Variants in PRRX2 observed in about 807,000 individuals in gnomAD.
The protein encoded by PRRX2 is paired related homeobox 2, also known as paired mesoderm homeobox protein 2.
In PRRX2, 11 loss-of-function variants were observed where a neutral mutation model predicts 18.0. The ratio of observed to expected loss-of-function variants is 0.61; its 90% CI spans 0.39 to 1.01. PRRX2 has a LOEUF of 1.01. Ranked by LOEUF, PRRX2 falls within the 50% of genes least tolerant of loss-of-function variation. The pLI, the probability that PRRX2 is intolerant of heterozygous loss-of-function variation, is 0.01. For missense variants in PRRX2, 387 were observed against 351.0 expected (o/e 1.10, Z -0.82); for synonymous variants, 177 against 154.8 (o/e 1.14, Z -1.06).
chr9:129,702,562 T>C (rs1400036814), intron 1 of PRRX2, among the ~76,000 whole-genome samples: 1 of 152,222 alleles, frequency 6.6e-6, no homozygotes, highest in African/African-American at 2.4e-5. Flanking sequence ...TTTTAATCAG[T>C]GAGAATTTCA....
At chr9:129,684,502 A>AACAGAAAAGATACCAGAAAT (rs1564147393) in intron 1 of PRRX2, among the ~76,000 whole-genome samples, 20 of 83,212 alleles carry the variant, frequency 2.4e-4, no homozygotes, top group Non-Finnish European at 3.3e-4. Flanking sequence ...ACACACACAC[A>AACAGAAAAGATACCAGAAAT]CACACACACA....
intron 1 of PRRX2, among the ~76,000 whole-genome samples, chr9:129,680,400 CA>C (rs1207606607): frequency 7.3e-4 from 63 of 85,806 alleles, no homozygotes; most frequent in South Asian, 2.4e-3. Context: ...GACTCCGTCT[CA>C]AAAAAAAAAA....
rs1251811596 is a variant in PRRX2, at chr9:129,671,226, A to T, written c.259+5100A>T. 1.2e-4 allele frequency among the ~76,000 whole-genome samples: 19 copies of T among 152,022 alleles called. No homozygotes were observed. Among genetic ancestry groups the T allele is most frequent in the Admixed American group, 1.2e-3 (19 of 15,258 alleles). On this transcript the variant is annotated intron_variant, in intron 1 of 3. Coordinates refer to ENST00000372469, the MANE Select transcript of PRRX2 (RefSeq NM_016307.4). The surrounding 1 kb of genome is among the most constrained non-coding windows in gnomAD (Gnocchi z 4.0). The stretch of plus-strand genomic sequence containing the variant: ...AGGAGCCGGGGAGCAGGGAGGGAGG[A>T]GGAGTGAGTGAGAGGCTGAGTGCCC...
At chr9:129,666,157 C>CG in intron 1 of PRRX2, 31 bp downstream of exon 1, 1 of 515,488 alleles carries the variant, frequency 1.9e-6, no homozygotes, top group Non-Finnish European at 2.3e-6. Context: ...ACGGGGGTGG[C>CG]GGGGCCGGGG....
intron 1 of PRRX2, among the ~76,000 whole-genome samples, chr9:129,686,273 C>T (rs1337499749): frequency 6.6e-6 from 1 of 152,146 alleles, no homozygotes; most frequent in African/African-American, 2.4e-5. Flanking sequence ...TGAGATGCCT[C>T]AGGAGCAGAG....
chr9:129,707,266 T>A (rs930667404), intron 1 of PRRX2, among the ~76,000 whole-genome samples: 9 of 151,314 alleles, frequency 5.9e-5, no homozygotes, highest in Non-Finnish European at 8.9e-5. Flanking sequence ...TCTCAAAAAA[T>A]AAATAAATAA....
At position 129,675,698 on chromosome 9, in the gene PRRX2, G is replaced by A. The variant is rs1424415336; in HGVS notation, c.259+9572G>A. On this transcript the variant is annotated intron_variant, in intron 1 of 3. Transcript: ENST00000372469. This position sits in a 1 kb window ranked among gnomAD's most constrained non-coding sequence, Gnocchi z 4.4. ...TTGCCGTGGGCGCAGACGTTTACAC[G>A]CCAGAGATGGCGTTATTAAAAATGA... 6.7e-6 allele frequency among the ~76,000 whole-genome samples: 1 copy of A among 148,338 alleles called. No homozygotes were observed. Among genetic ancestry groups the A allele is most frequent in the African/African-American group, 2.5e-5 (1 of 39,896 alleles).
chr9:129,719,217 C>T lies in PRRX2; in HGVS notation c.260-14C>T, dbSNP rs771071390. Reference sequence around the variant, plus strand: ...GCCGTCCTGCTGACCATCCCGCCCCCCCAACCTCCGCAGGTGAGTGTCCCA... The same window carrying T: ...GCCGTCCTGCTGACCATCCCGCCCCTCCAACCTCCGCAGGTGAGTGTCCCA... On this transcript the variant is annotated splice_polypyrimidine_tract_variant and intron_variant, in intron 1 of 3. Transcript: ENST00000372469. 3 of 1,558,486 alleles carry T rather than the reference C, an allele frequency of 1.9e-6. No homozygotes were observed. The highest frequency in any genetic ancestry group is 8.7e-7 in the Non-Finnish European group (1 of 1,150,956).
chr9:129,702,641 C>T (rs1295760428), intron 1 of PRRX2, among the ~76,000 whole-genome samples: 1 of 152,212 alleles, frequency 6.6e-6, no homozygotes, highest in East Asian at 1.9e-4. Flanking sequence ...GGACTGGTGT[C>T]TTTCAGTCTG....
At chr9:129,677,581 C>A (rs909378827) in intron 1 of PRRX2, among the ~76,000 whole-genome samples, 1 of 152,238 alleles carries the variant, frequency 6.6e-6, no homozygotes, top group East Asian at 1.9e-4. Context: ...GGGACACACC[C>A]ATGCAGACAC....
At chr9:129,699,422 T>C (rs1277768140) in intron 1 of PRRX2, among the ~76,000 whole-genome samples, 1 of 150,148 alleles carries the variant, frequency 6.7e-6, no homozygotes, top group Non-Finnish European at 1.5e-5. Context: ...AGACTCTGTC[T>C]CAAAAAAAAT....
At chr9:129,712,066 C>T (rs2130931021) in intron 1 of PRRX2, among the ~76,000 whole-genome samples, 1 of 152,260 alleles carries the variant, frequency 6.6e-6, no homozygotes, top group Non-Finnish European at 1.5e-5. Context: ...TTGCCTAAGA[C>T]GTTCCAGGCT....
chr9:129,666,514 G>A (rs942649419), intron 1 of PRRX2, among the ~76,000 whole-genome samples: 1 of 151,644 alleles, frequency 6.6e-6, no homozygotes. Flanking sequence ...AGCTAGCGCC[G>A]CCCCAGCTCC....
rs1220960172 is a variant in PRRX2 at position 129,722,407 on chromosome 9, G to C, written c.*55G>C. 1 of 1,594,162 alleles carries C rather than the reference G, an allele frequency of 6.3e-7. No homozygotes were observed. On this transcript the variant is annotated 3_prime_UTR_variant, in exon 4 of 4. Coordinates refer to ENST00000372469, the MANE Select transcript of PRRX2 (RefSeq NM_016307.4). Reference sequence around the variant, plus strand: ...CCCTGGGTGGACAGCAATAGAAAAGGGGGCAGACGCCCAGGAAGTGACCTT... The same window carrying C: ...CCCTGGGTGGACAGCAATAGAAAAGCGGGCAGACGCCCAGGAAGTGACCTT...
chr9:129,722,314 T>G lies in PRRX2; in HGVS notation c.724T>G (p.Phe242Val). 6.2e-7 allele frequency: 1 copy of G among 1,613,050 alleles called. No homozygotes were observed. Among genetic ancestry groups the G allele is most frequent in the Non-Finnish European group, 8.5e-7 (1 of 1,179,760 alleles). ...CAGCCTCCGTCTCAAGGCCAAGGAG[T>G]TCAGCCTGCACCACAGCCAGGTGCC... ...IASLRLKAKE[F>V]SLHHSQVPTV... Residue 242 changes from phenylalanine (F) to valine (V), a missense_variant, in exon 4 of 4, where the codon TTC becomes GTC. Physicochemically the swap from Phe to Val is conservative, Grantham distance 50 (BLOSUM62 -1). Coordinates refer to ENST00000372469, the MANE Select transcript of PRRX2 (RefSeq NM_016307.4).
chr9:129,674,450 GGTGAT>G lies in PRRX2; in HGVS notation c.259+8326_259+8330del, dbSNP rs1832139782. 2.0e-5 allele frequency among the ~76,000 whole-genome samples: 3 copies of G among 152,252 alleles called. No individual in the cohort carries two copies. The South Asian group carries it at 6.2e-4, about 32-fold the overall frequency. On this transcript the variant is annotated intron_variant, in intron 1 of 3. Coordinates refer to ENST00000372469, the MANE Select transcript of PRRX2 (RefSeq NM_016307.4). ...GGGCTAGGAGTGAGTGGGGGCAACG[GGTGAT>G]GGAGCAGCCAAGGAGCTGAGGCCTG...
intron 1 of PRRX2, among the ~76,000 whole-genome samples, chr9:129,683,064 C>T (rs950942218): frequency 7.2e-5 from 11 of 151,762 alleles, no homozygotes; most frequent in Admixed American, 3.9e-4. Flanking sequence ...GCTGAGATGG[C>T]GCCACTACAC....
chr9:129,684,536 C>T (rs1053030690), intron 1 of PRRX2, among the ~76,000 whole-genome samples: 15 of 129,208 alleles, frequency 1.2e-4, no homozygotes, highest in Admixed American at 2.3e-4. Context: ...ACACACACCC[C>T]AACAGAAAAG....
intron 1 of PRRX2, among the ~76,000 whole-genome samples, chr9:129,678,602 C>T (rs1348908349): frequency 2.0e-5 from 3 of 152,158 alleles, no homozygotes; most frequent in African/African-American, 7.2e-5. Flanking sequence ...GTGGAGGAAA[C>T]AGCAGACGGA....
Sources: gnomAD v4.1 joint callset for allele counts (sites outside exome capture counted in the v4.1 genomes callset) on GRCh38, gnomAD v4.1.1 for gene constraint, Gnocchi (gnomAD v3.1) non-coding constraint, MANE v1.5 for transcripts, NCBI Gene and HGNC (gene_info 2026-07-23, HGNC 2026-07-21) for gene names.